ACACA: variants seen among roughly 807,000 people sequenced by gnomAD.
ACACA encodes the protein acetyl-CoA carboxylase alpha.
ACACA carries 103 observed loss-of-function variants against 296.1 expected under a neutral mutation model. The ratio of observed to expected loss-of-function variants is 0.35; its 90% CI spans 0.30 to 0.41. The LOEUF is 0.41. Ranked by LOEUF, ACACA falls within the 10% of genes least tolerant of loss-of-function variation. The pLI is 1.00. For missense variants in ACACA, 1,554 were observed against 2,989.7 expected, an observed-to-expected ratio of 0.52 and a Z score of 11.20; for synonymous variants, 953 against 1,038.6, an observed-to-expected ratio of 0.92 and a Z score of 1.58.
chr17:37,274,207 C>T lies in ACACA; in HGVS notation c.994G>A (p.Asp332Asn). Residue 332 changes from aspartate to asparagine, a missense_variant, in exon 9 of 56, where the codon GAT becomes AAT. Physicochemically the swap from Asp to Asn is conservative, Grantham distance 23. Transcript: ENST00000616317. The part of the protein sequence containing the change: ...LYEKGYVKDV[D>N]DGLQAAEEVG... ...TAGTAACCTACCTGTAGCCCATCAT[C>T]CACATCTTTCACATAACCTTTTTCA... is the stretch of plus-strand genomic sequence containing the variant. The T allele has an allele frequency of 6.2e-7, 1 of 1,613,746 alleles. No individual in the cohort carries two copies. Among genetic ancestry groups the T allele is most frequent in the Non-Finnish European group, 8.5e-7 (1 of 1,179,606 alleles).
At chr17:37,348,098 G>A (rs145366291) in intron 1 of ACACA, among the ~76,000 whole-genome samples, 7 of 151,824 alleles carry the variant, frequency 4.6e-5, no homozygotes, top group Middle Eastern at 3.4e-3. Context: ...GCTTGAACCC[G>A]GGAGGCAGAG....
intron 25 of ACACA, among the ~76,000 whole-genome samples, chr17:37,233,227 G>A (rs764649757): frequency 5.9e-5 from 9 of 152,194 alleles, no homozygotes; most frequent in Non-Finnish European, 8.8e-5. Context: ...CCGAACAGCT[G>A]CCATTTTCTC....
rs1680181052 is a variant in ACACA, at chr17:37,406,472, GC to G, written c.-174del. 1.5e-6 allele frequency: 1 copy of G among 666,486 alleles called. No homozygotes were observed. The highest frequency in any genetic ancestry group is 2.4e-6 in the Non-Finnish European group (1 of 408,252). The allele number at this position is 666,486 out of a possible 1,614,324, so 41.3% of individuals were successfully genotyped here. Reference sequence around the variant, plus strand: ...GCCCTTCGGGGCCCGGACTGGAGAGGCGCCACGGCTCGCCGTCCCTGGGCCC... The same window carrying G: ...GCCCTTCGGGGCCCGGACTGGAGAGGGCCACGGCTCGCCGTCCCTGGGCCC... On this transcript the variant is annotated 5_prime_UTR_variant, in exon 1 of 56. Coordinates refer to ENST00000616317, the MANE Select transcript of ACACA (RefSeq NM_198834.3).
intron 1 of ACACA, among the ~76,000 whole-genome samples, chr17:37,340,069 A>G (rs1450638107): frequency 2.6e-5 from 4 of 152,194 alleles, no homozygotes. Flanking sequence ...TTAAGAAAAT[A>G]TTAAACAATA....
intron 43 of ACACA, among the ~76,000 whole-genome samples, chr17:37,153,253 A>C (rs747466336): frequency 3.0e-4 from 46 of 152,334 alleles, no homozygotes; most frequent in Non-Finnish European, 5.4e-4. Flanking sequence ...AGCAAGAAAA[A>C]ATGCAAAATA....
chr17:37,350,106 G>T (rs371053093), intron 1 of ACACA, among the ~76,000 whole-genome samples: 1 of 151,870 alleles, frequency 6.6e-6, no homozygotes. Flanking sequence ...GAGGCATTAC[G>T]ACTGCTCAGG....
chr17:37,239,119 A>G (rs2080263064), intron 24 of ACACA, among the ~76,000 whole-genome samples: 2 of 152,148 alleles, frequency 1.3e-5, no homozygotes, highest in Non-Finnish European at 2.9e-5. Context: ...ATGAGCCACT[A>G]CATCTAGCCT....
intron 30 of ACACA, among the ~76,000 whole-genome samples, chr17:37,209,062 T>C (rs1371652605): frequency 6.6e-6 from 1 of 152,242 alleles, no homozygotes; most frequent in African/African-American, 2.4e-5. Flanking sequence ...ACTCCAGGTT[T>C]TTATTCCTTT....
Position 37,248,625 on chromosome 17 carries a change from G to T in ACACA, c.2131C>A (p.Leu711Ile), listed in dbSNP as rs1420320013. 6 of 1,611,620 alleles carry T rather than the reference G, an allele frequency of 3.7e-6. No homozygotes were observed. Among genetic ancestry groups the T allele is most frequent in the Non-Finnish European group, 5.1e-6 (6 of 1,178,298 alleles). Residue 711 changes from leucine (L) to isoleucine (I), a missense_variant, in exon 17 of 56, where the codon CTT becomes ATT. By Grantham distance (5) the Leu-to-Ile change is conservative (BLOSUM62 2). Coordinates refer to ENST00000616317, the MANE Select transcript of ACACA (RefSeq NM_198834.3). ...ACATACTTGACTCCCTCATAGATAA[G>T]TTCAACATCTACTGTATTCAGAAGT... ...HTLLNTVDVELIYEGVKYVLK... is the reference protein window; with the variant it reads ...HTLLNTVDVEIIYEGVKYVLK...
intron 39 of ACACA, 78 bp downstream of exon 39, chr17:37,188,199 G>T: frequency 7.4e-7 from 1 of 1,353,088 alleles, no homozygotes; most frequent in Non-Finnish European, 1.0e-6. Context: ...TTGTGAGTGT[G>T]GGTCTTCTAT....
chr17:37,269,063 A>AC (rs1484782804), intron 10 of ACACA, among the ~76,000 whole-genome samples: 20 of 150,222 alleles, frequency 1.3e-4, no homozygotes, highest in Admixed American at 4.7e-4. Flanking sequence ...AAAAAAAAAA[A>AC]CCCAAGGTAA....
intron 15 of ACACA, 43 bp from the exon 16 acceptor site, chr17:37,252,151 T>G: frequency 6.7e-7 from 1 of 1,486,234 alleles, no homozygotes. Context: ...CATGGTCACT[T>G]GGCACCACAG....
chr17:37,258,571 T>C (rs1200002711), intron 12 of ACACA, among the ~76,000 whole-genome samples, 198 bp from the exon 13 acceptor site: 4 of 152,218 alleles, frequency 2.6e-5, no homozygotes, highest in African/African-American at 9.7e-5. Context: ...GTTAGAATAT[T>C]CTCCACTTCT....
At chr17:37,352,367 T>C (rs1293259042) in intron 1 of ACACA, among the ~76,000 whole-genome samples, 1 of 152,166 alleles carries the variant, frequency 6.6e-6, no homozygotes, top group East Asian at 1.9e-4. Flanking sequence ...AGTTCTAGGA[T>C]GAATTAATTT....
intron 1 of ACACA, among the ~76,000 whole-genome samples, chr17:37,350,564 G>C (rs1000902840): frequency 6.6e-6 from 1 of 152,166 alleles, no homozygotes; most frequent in Non-Finnish European, 1.5e-5. Flanking sequence ...TTCGGGCTGG[G>C]CGTGGTGGTT....
At chr17:37,292,125 AT>A (rs1465943783) in intron 3 of ACACA, among the ~76,000 whole-genome samples, 1 of 152,186 alleles carries the variant, frequency 6.6e-6, no homozygotes, top group Non-Finnish European at 1.5e-5. Flanking sequence ...ATAATAGGTA[AT>A]TTTAAAGAGG....
chr17:37,200,159 C>T lies in ACACA; in HGVS notation c.4138G>A (p.Glu1380Lys), dbSNP rs1235514575. The T allele has an allele frequency of 6.2e-7, 1 of 1,607,762 alleles. No individual in the cohort carries two copies. Among genetic ancestry groups the T allele is most frequent in the African/African-American group, 1.3e-5 (1 of 74,736 alleles). The change falls in exon 35 of 56, where the codon GAG becomes AAG. Residue 1380 changes from glutamate to lysine, a missense_variant. This residue lies in a region of ACACA where 179 missense variants were observed against 283.2 expected (regional missense o/e 0.63). Transcript: ENST00000616317. ...CTTACATGAAATCTCCGATCCACCT[C>T]ATAGTTGACCTGCTTTCTGAAATCC... is the stretch of plus-strand genomic sequence containing the variant. ...QKDFRKQVNY[E>K]VDRRFHREFP...
intron 43 of ACACA, among the ~76,000 whole-genome samples, chr17:37,154,477 T>C (rs956623174): frequency 6.6e-6 from 1 of 152,056 alleles, no homozygotes; most frequent in African/African-American, 2.4e-5. Flanking sequence ...TTTCAGTAAA[T>C]AGTATTAGGA....
chr17:37,125,627 A>T, intron 48 of ACACA, 71 bp downstream of exon 48: 1 of 1,281,562 alleles, frequency 7.8e-7, no homozygotes, highest in Non-Finnish European at 1.1e-6. Context: ...ATATATCTAT[A>T]GAGCCATGGC....
Sources: allele counts gnomAD v4.1 joint callset (sites outside exome capture counted in the v4.1 genomes callset), GRCh38; gene constraint gnomAD v4.1.1; regional missense constraint gnomAD v4.1.1; transcripts MANE v1.5; gene names NCBI Gene and HGNC (gene_info 2026-07-23, HGNC 2026-07-21).